The following LRRC8B variants were observed in gnomAD, a reference collection of about 807,000 sequenced individuals.
LRRC8B encodes volume-regulated anion channel subunit LRRC8B.
Under a neutral mutation model 58.8 loss-of-function variants are expected in LRRC8B, and 23 were observed. That is an observed-to-expected ratio of 0.39 (90% CI 0.28 to 0.55). LRRC8B has a LOEUF of 0.55. Ranked by LOEUF, LRRC8B falls within the 20% of genes least tolerant of loss-of-function variation. LRRC8B has a pLI of 0.62. For synonymous variants in LRRC8B, 359 were observed against 374.1 expected, an observed-to-expected ratio of 0.96 and a Z score of 0.47; for missense variants, 694 against 936.0, an observed-to-expected ratio of 0.74 and a Z score of 3.37.
chr1:89,574,270 A>G (rs916781633), intron 3 of LRRC8B, among the ~76,000 whole-genome samples: 1 of 152,252 alleles, frequency 6.6e-6, no homozygotes, highest in Non-Finnish European at 1.5e-5. Flanking sequence ...TACTTTAGCC[A>G]CTAAGTTTTG....
chr1:89,558,691 C>G (rs1038783657), intron 1 of LRRC8B: 1 of 152,122 alleles, frequency 6.6e-6, no homozygotes, highest in African/African-American at 2.4e-5. Context: ...TTATAAGTAA[C>G]GTAAATGTAT....
At chr1:89,590,560 C>A (rs1012204062) in intron 5 of LRRC8B, among the ~76,000 whole-genome samples, 4 of 152,218 alleles carry the variant, frequency 2.6e-5, no homozygotes, top group Non-Finnish European at 5.9e-5. Context: ...CTTGGGAAAT[C>A]CCTCTCTTCT....
chr1:89,529,224 C>T (rs1235333861), intron 1 of LRRC8B, among the ~76,000 whole-genome samples: 1 of 152,088 alleles, frequency 6.6e-6, no homozygotes, highest in African/African-American at 2.4e-5. Flanking sequence ...ACTTCTTTTC[C>T]TTTAATTGTC....
Position 89,592,861 on chromosome 1 carries a change from G to A in LRRC8B, c.2230G>A (p.Val744Met). The stretch of plus-strand genomic sequence containing the variant: ...TAGCTTGATGAATTTGTCCCCTCAT[G>A]TGGGTGAGCTGTCAAACCTTACTCA... Reference protein sequence around the residue: ...KNSLMNLSPHVGELSNLTHLE... With the variant: ...KNSLMNLSPHMGELSNLTHLE... Residue 744 changes from valine to methionine, a missense_variant, in exon 6 of 6, where the codon GTG (valine) becomes ATG (methionine). Physicochemically the swap from Val to Met is conservative, Grantham distance 21. Around this residue, in one of 5 missense-constraint regions of LRRC8B, gnomAD observed 139 missense variants for 158.2 expected, o/e 0.88. Transcript: ENST00000330947. 6.2e-7 allele frequency: 1 copy of A among 1,614,036 alleles called. No individual in the cohort carries two copies. The highest frequency in any genetic ancestry group is 8.5e-7 in the Non-Finnish European group (1 of 1,179,992).
intron 1 of LRRC8B, among the ~76,000 whole-genome samples, chr1:89,551,364 T>A (rs1651797395): frequency 6.6e-6 from 1 of 152,176 alleles, no homozygotes; most frequent in South Asian, 2.1e-4. Flanking sequence ...TGAGCTTGTA[T>A]CCTTATCCTA....
At chr1:89,542,972 T>G (rs1432350889) in intron 1 of LRRC8B, among the ~76,000 whole-genome samples, 1 of 152,260 alleles carries the variant, frequency 6.6e-6, no homozygotes, top group Non-Finnish European at 1.5e-5. Context: ...TTAACTAGAC[T>G]TAAATTTACT....
chr1:89,531,938 C>T (rs544080968), intron 1 of LRRC8B, among the ~76,000 whole-genome samples: 24 of 152,212 alleles, frequency 1.6e-4, no homozygotes, highest in African/African-American at 5.8e-4. Flanking sequence ...GAGTCTTTCA[C>T]CCTCCCTTTT....
At chr1:89,592,038 G>A (rs1424237349) in intron 5 of LRRC8B, among the ~76,000 whole-genome samples, 1 of 152,096 alleles carries the variant, frequency 6.6e-6, no homozygotes, top group African/African-American at 2.4e-5. Context: ...GTACTGTGGC[G>A]CCCTTAGAAA....
At position 89,559,649 on chromosome 1, in the gene LRRC8B, CACAT is replaced by C. The variant is rs1372150464; in HGVS notation, c.-240-8596_-240-8593del. On this transcript the variant is annotated intron_variant, in intron 1 of 5. Transcript: ENST00000330947. The stretch of plus-strand genomic sequence containing the variant: ...ATATATACACACACACACACACACA[CACAT>C]ATATGTACACACATACACACACCCA... Among the ~76,000 whole-genome samples, 58 of 150,770 alleles carry C rather than the reference CACAT, an allele frequency of 3.8e-4. No homozygotes were observed. The East Asian group carries it at 8.2e-3, about 21-fold the overall frequency.
intron 3 of LRRC8B, chr1:89,572,441 C>T (rs1042940666): frequency 3.3e-5 from 5 of 152,158 alleles, no homozygotes; most frequent in Admixed American, 6.5e-5. Flanking sequence ...AATATGTTTT[C>T]CAGGTTGGTT....
chr1:89,528,488 C>T (rs1649867355), intron 1 of LRRC8B, among the ~76,000 whole-genome samples: 1 of 152,222 alleles, frequency 6.6e-6, no homozygotes, highest in South Asian at 2.1e-4. Context: ...AAGGTTTTAC[C>T]TAAGAGAACA....
chr1:89,567,907 A>G (rs1653157971), intron 1 of LRRC8B, among the ~76,000 whole-genome samples: 1 of 152,128 alleles, frequency 6.6e-6, no homozygotes. Flanking sequence ...TAGCAGTATC[A>G]AAAAAGCCTG....
intron 1 of LRRC8B, among the ~76,000 whole-genome samples, chr1:89,559,456 A>G (rs1652440945): frequency 6.6e-6 from 1 of 152,002 alleles, no homozygotes; most frequent in South Asian, 2.1e-4. Context: ...CAACATTGTG[A>G]GACTCTGTCT....
chr1:89,573,968 T>C (rs10922667), intron 3 of LRRC8B, among the ~76,000 whole-genome samples: 1 of 152,058 alleles, frequency 6.6e-6, no homozygotes, highest in Admixed American at 6.5e-5. Flanking sequence ...GCAGAAATGG[T>C]GTGGAGTAAT....
intron 1 of LRRC8B, among the ~76,000 whole-genome samples, chr1:89,540,771 T>C (rs369466970): frequency 6.6e-6 from 1 of 152,118 alleles, no homozygotes; most frequent in East Asian, 1.9e-4. Context: ...ATGAGAGAGA[T>C]CATATTGCGA....
At chr1:89,590,437 A>C (rs1418328640) in intron 5 of LRRC8B, among the ~76,000 whole-genome samples, 2 of 152,256 alleles carry the variant, frequency 1.3e-5, no homozygotes, top group African/African-American at 4.8e-5. Context: ...AGCTGGGCAG[A>C]GAGCTGGAGA....
Position 89,593,990 on chromosome 1 carries a change from A to C in LRRC8B, c.*947A>C, listed in dbSNP as rs1008629391. The C allele has an allele frequency of 7.2e-5, 11 of 152,220 alleles. No individual in the cohort carries two copies. Among genetic ancestry groups the C allele is most frequent in the Non-Finnish European group, 1.6e-4 (11 of 68,040 alleles). The allele number at this position is 152,220 out of a possible 1,614,324, so 9.4% of individuals were successfully genotyped here. A position where few individuals can be genotyped will look rare whatever the true frequency, so the allele number is the denominator to read the frequency against. ...TGGCCTTTGCCTAGAACAGGAGCTGAGTATTTAAGATGTATTATCCTCGGG... is the reference window on the plus strand; with the variant it reads ...TGGCCTTTGCCTAGAACAGGAGCTGCGTATTTAAGATGTATTATCCTCGGG... On this transcript the variant is annotated 3_prime_UTR_variant, in exon 6 of 6. Transcript: ENST00000330947.
At chr1:89,585,328 A>T (rs1654546405) in intron 5 of LRRC8B, among the ~76,000 whole-genome samples, 1 of 152,240 alleles carries the variant, frequency 6.6e-6, no homozygotes, top group African/African-American at 2.4e-5. Context: ...TCTATAATGC[A>T]ACACTACAGC....
At chr1:89,529,433 A>G (rs1362473654) in intron 1 of LRRC8B, among the ~76,000 whole-genome samples, 1 of 152,164 alleles carries the variant, frequency 6.6e-6, no homozygotes, top group African/African-American at 2.4e-5. Context: ...GGCATGTGAA[A>G]TCAAATAGAT....
Sources: allele counts gnomAD v4.1 joint callset (sites outside exome capture counted in the v4.1 genomes callset), GRCh38; gene constraint gnomAD v4.1.1; regional missense constraint gnomAD v4.1.1; transcripts MANE v1.5; gene names NCBI Gene and HGNC (gene_info 2026-07-23, HGNC 2026-07-21).